Variants in HIVEP3 observed in about 807,000 individuals in gnomAD.
The protein encoded by HIVEP3 is HIVEP zinc finger 3.
HIVEP3 carries 49 observed loss-of-function variants against 152.8 expected under a neutral mutation model. The observed-to-expected ratio is 0.32, with a 90% CI of 0.26 to 0.41. The LOEUF is 0.41. Ranked by LOEUF, HIVEP3 falls within the 10% of genes least tolerant of loss-of-function variation. The pLI is 1.00. For synonymous variants in HIVEP3, 1,269 were observed against 1,289.0 expected, an observed-to-expected ratio of 0.98 and a Z score of 0.33; for missense variants, 2,790 against 3,103.3, an observed-to-expected ratio of 0.90 and a Z score of 2.40.
At chr1:41,563,704 A>G (rs1644118077) in intron 5 of HIVEP3, among the ~76,000 whole-genome samples, 1 of 152,212 alleles carries the variant, frequency 6.6e-6, no homozygotes, top group East Asian at 1.9e-4. Context: ...GAGAAACGAG[A>G]CCAAATAAAC....
intron 1 of HIVEP3, among the ~76,000 whole-genome samples, chr1:41,845,407 ACACACACACACG>A (rs1438864502): frequency 0.02 from 2,235 of 111,540 alleles, 79 homozygotes; most frequent in African/African-American, 0.089. Context: ...CCTCCTATAC[ACACACACACACG>A]CACACACACA....
chr1:41,842,713 CT>C (rs1643325098), intron 1 of HIVEP3, among the ~76,000 whole-genome samples: 1 of 152,200 alleles, frequency 6.6e-6, no homozygotes, highest in Admixed American at 6.5e-5. Flanking sequence ...AAGCAGCATT[CT>C]TTCTCATCCC....
At chr1:41,993,162 AC>A (rs1645373627) in intron 1 of HIVEP3, among the ~76,000 whole-genome samples, 1 of 150,744 alleles carries the variant, frequency 6.6e-6, no homozygotes, top group African/African-American at 2.4e-5. Flanking sequence ...ATCTAATTAA[AC>A]TAAAGAGCTT....
At chr1:41,622,377 G>T (rs906339777) in intron 3 of HIVEP3, among the ~76,000 whole-genome samples, 1 of 152,190 alleles carries the variant, frequency 6.6e-6, no homozygotes, top group African/African-American at 2.4e-5. Flanking sequence ...GACATGTTCT[G>T]CACAAGAGCA....
At chr1:41,756,762 T>C (rs185427263) in intron 1 of HIVEP3, among the ~76,000 whole-genome samples, 27 of 152,300 alleles carry the variant, frequency 1.8e-4, no homozygotes, top group African/African-American at 5.8e-4. Flanking sequence ...AAATAAAAAG[T>C]TATATGAATA....
intron 2 of HIVEP3, among the ~76,000 whole-genome samples, chr1:41,682,257 C>A (rs1431534553): frequency 6.6e-6 from 1 of 152,216 alleles, no homozygotes; most frequent in Non-Finnish European, 1.5e-5. Context: ...ACCAGGAAGT[C>A]TTCTCTGAGC....
chr1:41,528,782 AC>A (rs1643118712), intron 5 of HIVEP3, among the ~76,000 whole-genome samples: 1 of 70,930 alleles, frequency 1.4e-5, no homozygotes, highest in African/African-American at 5.7e-5. Context: ...CACACTCCAC[AC>A]CCCCACCCTC....
chr1:41,919,472 G>A (rs115428203), upstream of HIVEP3, among the ~76,000 whole-genome samples: 417 of 152,264 alleles, frequency 2.7e-3, 2 homozygotes, highest in African/African-American at 9.6e-3. Flanking sequence ...GAATAGTTCT[G>A]GCACTATTTC....
chr1:41,839,311 A>T (rs1202431344), intron 1 of HIVEP3, among the ~76,000 whole-genome samples: 1 of 152,228 alleles, frequency 6.6e-6, no homozygotes, highest in East Asian at 1.9e-4. Context: ...CCTTTGAAGA[A>T]GAGCCTCTGG....
chr1:41,903,976 T>C lies in HIVEP3; in HGVS notation c.-801+14437A>G, dbSNP rs563475061. 2.4e-4 allele frequency among the ~76,000 whole-genome samples: 37 copies of C among 151,506 alleles called. No individual in the cohort carries two copies. The South Asian group carries it at 7.7e-3, about 32-fold the overall frequency. On this transcript the variant is annotated intron_variant, in intron 1 of 8. Coordinates refer to ENST00000372583, the MANE Select transcript of HIVEP3 (RefSeq NM_024503.5). ...GTGCAGTGATACAATCTTGGCTCAC[T>C]GCAGCCACCTCCTGGGTTCAAGTGA...
intron 1 of HIVEP3, among the ~76,000 whole-genome samples, chr1:42,029,221 C>T (rs184882109): frequency 1.3e-5 from 2 of 152,212 alleles, no homozygotes; most frequent in African/African-American, 4.8e-5. Context: ...TTGGAGTAAC[C>T]GGTACTCTCA....
intron 1 of HIVEP3, among the ~76,000 whole-genome samples, chr1:41,936,089 CAAGGAG>C (rs1311341477): frequency 6.6e-6 from 1 of 152,070 alleles, no homozygotes; most frequent in African/African-American, 2.4e-5. Flanking sequence ...CTACAAAGAA[CAAGGAG>C]AAGTAGTCAA....
chr1:41,972,323 C>T (rs1441468376), intron 1 of HIVEP3, among the ~76,000 whole-genome samples: 2 of 152,236 alleles, frequency 1.3e-5, no homozygotes, highest in African/African-American at 4.8e-5. Context: ...GCAGCTGGCT[C>T]ACCTAGAATG....
intron 1 of HIVEP3, among the ~76,000 whole-genome samples, chr1:41,861,055 C>T (rs972451537): frequency 6.6e-6 from 1 of 152,238 alleles, no homozygotes; most frequent in Non-Finnish European, 1.5e-5. Context: ...CACACTCGAG[C>T]CAGGGCACTG....
In HIVEP3 at chr1:41,614,613, C is replaced by G. The variant is rs186409766; in HGVS notation, c.-522+14136G>C. 5.3e-5 allele frequency among the ~76,000 whole-genome samples: 8 copies of G among 152,234 alleles called. No individual in the cohort carries two copies. In the East Asian group the frequency reaches 1.5e-3, roughly 29 times the overall value. On this transcript the variant is annotated intron_variant, in intron 3 of 8. Transcript: ENST00000372583. Reference sequence around the variant, plus strand: ...TGCAATTTTAACTTGATTTATTCCACAGTAGATTTGAGGTAATTTACAAAA... The same window carrying G: ...TGCAATTTTAACTTGATTTATTCCAGAGTAGATTTGAGGTAATTTACAAAA...
Position 41,806,889 on chromosome 1 carries a change from A to AT in HIVEP3, c.-800-105895_-800-105894insA, listed in dbSNP as rs572028311. Among the ~76,000 whole-genome samples the AT allele has an allele frequency of 1.1e-3, 161 of 152,072 alleles. 2 individuals carry two copies. Among genetic ancestry groups the AT allele is most frequent in the East Asian group, 7.2e-3 (37 of 5,158 alleles). On this transcript the variant is annotated intron_variant, in intron 1 of 8. Coordinates refer to ENST00000372583, the MANE Select transcript of HIVEP3 (RefSeq NM_024503.5). ...GGACTGAGAGTATGATGTGCTCGCCACCCCTTGCCCTCACCCCACGCCCCA... is the reference window on the plus strand; with the variant it reads ...GGACTGAGAGTATGATGTGCTCGCCATCCCCTTGCCCTCACCCCACGCCCCA...
At chr1:41,620,409 T>C (rs1645030024) in intron 3 of HIVEP3, among the ~76,000 whole-genome samples, 1 of 152,190 alleles carries the variant, frequency 6.6e-6, no homozygotes, top group Admixed American at 6.5e-5. Flanking sequence ...GATTTGGCTG[T>C]TCAAATCTCC....
intron 1 of HIVEP3, among the ~76,000 whole-genome samples, chr1:41,988,934 A>C (rs1223219837): frequency 6.6e-6 from 1 of 152,198 alleles, no homozygotes; most frequent in African/African-American, 2.4e-5. Flanking sequence ...GATGAACCTA[A>C]AGAATATTAT....
intron 1 of HIVEP3, among the ~76,000 whole-genome samples, chr1:41,742,042 T>C (rs1479558548): frequency 6.6e-6 from 1 of 152,240 alleles, no homozygotes; most frequent in Non-Finnish European, 1.5e-5. Context: ...GATTCTGACT[T>C]GTAGTTTAGC....
Sources: allele counts gnomAD v4.1 joint callset (sites outside exome capture counted in the v4.1 genomes callset), GRCh38; gene constraint gnomAD v4.1.1; transcripts MANE v1.5; gene names NCBI Gene and HGNC (gene_info 2026-07-23, HGNC 2026-07-21).